Variants in WWTR1 observed in about 807,000 individuals in gnomAD.
The protein encoded by WWTR1 is WW domain containing transcription regulator 1, also known as WW domain-containing transcription regulator protein 1.
A neutral mutation model predicts 40.1 loss-of-function variants in WWTR1; 13 were observed. The ratio of observed to expected loss-of-function variants is 0.32; its 90% confidence interval spans 0.21 to 0.52. The LOEUF (loss-of-function observed/expected upper bound fraction) is 0.52. Among genes scored for constraint, WWTR1 ranks in the 20% least tolerant of loss-of-function variants. The pLI, the probability that WWTR1 is intolerant of heterozygous loss-of-function variation, is 0.97. For synonymous variants in WWTR1, 230 were observed against 210.1 expected, an observed-to-expected ratio of 1.09 and a Z score of -0.82; for missense variants, 436 against 523.1, an observed-to-expected ratio of 0.83 and a Z score of 1.63.
At chr3:149,657,394 G>T in intron 1 of WWTR1, 85 bp from the exon 2 acceptor site, 1 of 1,415,670 alleles carries the variant, frequency 7.1e-7, no homozygotes, top group Non-Finnish European at 9.4e-7. Context: ...GCGAGATGGT[G>T]GGAGAAAGAA....
intron 1 of WWTR1, among the ~76,000 whole-genome samples, chr3:149,682,214 T>C (rs903694003): frequency 2.6e-5 from 4 of 152,166 alleles, no homozygotes; most frequent in South Asian, 2.1e-4. Context: ...CCAACCATCA[T>C]TGGTATCTGC....
chr3:149,575,096 C>T (rs537944875), intron 2 of WWTR1, among the ~76,000 whole-genome samples: 2 of 148,976 alleles, frequency 1.3e-5, no homozygotes, highest in East Asian at 1.9e-4. Flanking sequence ...TCCATCCCCC[C>T]CAAAAAAAAA....
At chr3:149,713,341 A>C (rs1259611266) in intron 5 of WWTR1, among the ~76,000 whole-genome samples, 2 of 151,912 alleles carry the variant, frequency 1.3e-5, no homozygotes, top group Non-Finnish European at 2.9e-5. Context: ...AATAATGTAC[A>C]TCTTGAATTT....
chr3:149,705,540 G>T (rs571609667), upstream of WWTR1, among the ~76,000 whole-genome samples: 1 of 152,204 alleles, frequency 6.6e-6, no homozygotes, highest in African/African-American at 2.4e-5. Context: ...GTAACACTTA[G>T]GGGGAGAAAC....
At chr3:149,588,964 T>C (rs1738571936) in intron 2 of WWTR1, among the ~76,000 whole-genome samples, 1 of 152,108 alleles carries the variant, frequency 6.6e-6, no homozygotes, top group African/African-American at 2.4e-5. Context: ...AAAAATGCAA[T>C]AGAAGGAAGG....
chr3:149,707,851 T>C, upstream of WWTR1, among the ~76,000 whole-genome samples: 1 of 147,960 alleles, frequency 6.8e-6, no homozygotes. Flanking sequence ...TTCCCCTTTC[T>C]GGGGAAAATT....
At position 149,649,322 on chromosome 3, in the gene WWTR1, C is replaced by A. The variant is rs536741350; in HGVS notation, c.431+7554G>T. Among the ~76,000 whole-genome samples, 106 of 152,324 alleles carry A rather than the reference C, an allele frequency of 7.0e-4. 2 individuals carry two copies. The South Asian group carries it at 0.022, about 31-fold the overall frequency. On this transcript the variant is annotated intron_variant, in intron 2 of 6. Coordinates refer to ENST00000360632, the MANE Select transcript of WWTR1 (RefSeq NM_015472.6). ...CAAATGATTTCTAGTTGTAAATTAGCTGAACTGGCTAAAGATCTTTTAGAT... is the reference window on the plus strand; with the variant it reads ...CAAATGATTTCTAGTTGTAAATTAGATGAACTGGCTAAAGATCTTTTAGAT...
At chr3:149,581,304 C>T (rs151261767) in intron 2 of WWTR1, among the ~76,000 whole-genome samples, 13 of 150,864 alleles carry the variant, frequency 8.6e-5, no homozygotes, top group African/African-American at 3.2e-4. Context: ...ACAGCTGACA[C>T]ATCTATTAGC....
intron 2 of WWTR1, among the ~76,000 whole-genome samples, chr3:149,652,515 C>G (rs938773683): frequency 6.7e-6 from 1 of 149,722 alleles, no homozygotes; most frequent in African/African-American, 2.5e-5. Flanking sequence ...CGTAGTTACT[C>G]AGGAAGCTGA....
intron 2 of WWTR1, among the ~76,000 whole-genome samples, chr3:149,628,738 TTTTATTTTATTTTA>T (rs1246012098): frequency 2.8e-4 from 5 of 17,748 alleles, no homozygotes; most frequent in South Asian, 4.7e-3. Flanking sequence ...TTTTTATTTT[TTTTATTTTATTTTA>T]TTTTATTTTA....
At chr3:149,525,530 GT>G (rs1735259513) in intron 6 of WWTR1, 1 of 152,104 alleles carries the variant, frequency 6.6e-6, no homozygotes, top group African/African-American at 2.4e-5. Flanking sequence ...AGGGGCTACA[GT>G]TTATTAATAG....
intron 2 of WWTR1, among the ~76,000 whole-genome samples, chr3:149,577,744 T>C (rs1245717610): frequency 6.6e-6 from 1 of 152,164 alleles, no homozygotes; most frequent in Non-Finnish European, 1.5e-5. Context: ...TAGAAAGCCA[T>C]TTTATTTAAC....
At chr3:149,707,642 G>A (rs1715365417), upstream of WWTR1, among the ~76,000 whole-genome samples, 1 of 152,110 alleles carries the variant, frequency 6.6e-6, no homozygotes, top group Non-Finnish European at 1.5e-5. Context: ...TGTGCACTGT[G>A]AATATCAGAG....
chr3:149,697,748 A>T (rs1715040475), intron 1 of WWTR1, among the ~76,000 whole-genome samples: 1 of 152,224 alleles, frequency 6.6e-6, no homozygotes, highest in Admixed American at 6.5e-5. Context: ...CCAAAGTCTC[A>T]TCTGAAACTC....
At chr3:149,587,157 T>C (rs978964021) in intron 2 of WWTR1, among the ~76,000 whole-genome samples, 8 of 152,138 alleles carry the variant, frequency 5.3e-5, no homozygotes, top group African/African-American at 1.9e-4. Context: ...GGGGGTGCAG[T>C]CTTGTGGGAC....
At chr3:149,573,938 T>C (rs1737762784) in intron 2 of WWTR1, among the ~76,000 whole-genome samples, 1 of 141,226 alleles carries the variant, frequency 7.1e-6, no homozygotes, top group East Asian at 2.1e-4. Flanking sequence ...AGTGAAAGTT[T>C]GTGATATATA....
chr3:149,527,610 G>A (rs755195090), intron 5 of WWTR1, among the ~76,000 whole-genome samples: 1 of 152,066 alleles, frequency 6.6e-6, no homozygotes, highest in South Asian at 2.1e-4. Flanking sequence ...TTGACTAGGG[G>A]TTTACTCTAC....
chr3:149,624,235 G>A (rs1316444220), intron 2 of WWTR1, among the ~76,000 whole-genome samples: 1 of 152,192 alleles, frequency 6.6e-6, no homozygotes, highest in Non-Finnish European at 1.5e-5. Flanking sequence ...AAGCCCTCTT[G>A]TCCCTTTAGA....
At chr3:149,667,587 G>T (rs1180126861) in intron 2 of WWTR1, among the ~76,000 whole-genome samples, 2 of 151,752 alleles carry the variant, frequency 1.3e-5, no homozygotes, top group Non-Finnish European at 2.9e-5. Context: ...TCTTACTAAT[G>T]ATGTCTAGGC....
Sources: gnomAD v4.1 joint callset for allele counts (sites outside exome capture counted in the v4.1 genomes callset) on GRCh38, gnomAD v4.1.1 for gene constraint, MANE v1.5 for transcripts, NCBI Gene and HGNC (gene_info 2026-07-23, HGNC 2026-07-21) for gene names.